AMZ1: variants seen among roughly 807,000 people sequenced by gnomAD.
AMZ1 encodes archaelysin family metallopeptidase 1, also known as archaemetzincin-1.
AMZ1 carries 39 observed loss-of-function variants against 29.9 expected under a neutral mutation model. That is an observed-to-expected ratio of 1.30 (90% CI 1.01 to 1.70). AMZ1 has a LOEUF of 1.70. Among genes scored for constraint, AMZ1 ranks in the 40% most tolerant of loss-of-function variants. The pLI is 0.00. For missense variants in AMZ1, 1,041 were observed against 680.6 expected, an observed-to-expected ratio of 1.53 and a Z score of -5.89; for synonymous variants, 458 against 304.0, an observed-to-expected ratio of 1.51 and a Z score of -5.27.
At chr7:2,711,755 G>A (rs1019430825) in intron 6 of AMZ1, among the ~76,000 whole-genome samples, 3 of 152,060 alleles carry the variant, frequency 2.0e-5, no homozygotes, top group South Asian at 2.1e-4. Context: ...TTAATTATAC[G>A]CTTTCTGGGT....
chr7:2,702,418 C>A (rs760222492), intron 2 of AMZ1: 4 of 375,028 alleles, frequency 1.1e-5, no homozygotes, highest in Non-Finnish European at 4.8e-6. Context: ...CAGTGCCTGG[C>A]GCTAACCCTA....
chr7:2,720,831 C>A (rs1238747308), downstream of AMZ1, among the ~76,000 whole-genome samples: 3 of 152,162 alleles, frequency 2.0e-5, no homozygotes, highest in Admixed American at 2.0e-4. Flanking sequence ...TGTATCTCTA[C>A]ACTGAGCTAA....
At chr7:2,681,176 G>A (rs1259840759) in intron 1 of AMZ1, among the ~76,000 whole-genome samples, 1 of 152,166 alleles carries the variant, frequency 6.6e-6, no homozygotes, top group African/African-American at 2.4e-5. Context: ...CCCCAAGTCA[G>A]CCTGGCTAGC....
At chr7:2,709,610 A>AGGCAAGGT (rs747777287) in intron 5 of AMZ1, 30 bp from the exon 6 acceptor site, 1 of 1,597,048 alleles carries the variant, frequency 6.3e-7, no homozygotes, top group South Asian at 1.1e-5. Flanking sequence ...CAAGGCAGTG[A>AGGCAAGGT]GGCAAGGTGC....
At chr7:2,758,212 A>AACT (rs1220548419) in intron 4 of AMZ1, among the ~76,000 whole-genome samples, 1 of 152,160 alleles carries the variant, frequency 6.6e-6, no homozygotes, top group African/African-American at 2.4e-5. Context: ...TAGAAATGAA[A>AACT]ACTCAGAGCT....
chr7:2,697,479 A>T (rs1474198185), intron 1 of AMZ1, among the ~76,000 whole-genome samples: 1 of 152,020 alleles, frequency 6.6e-6, no homozygotes, highest in Non-Finnish European at 1.5e-5. Context: ...GCTGGAGTGC[A>T]GTGGCACGAT....
At position 2,709,065 on chromosome 7, in the gene AMZ1, C is replaced by T. The variant is rs1410756547; in HGVS notation, c.602-10C>T. Reference sequence around the variant, plus strand: ...CCCCTGAGAGTGCCCTTCTCTCCATCTCTCTCCAGAAGTGGGCGTCTGCAG... The same window carrying T: ...CCCCTGAGAGTGCCCTTCTCTCCATTTCTCTCCAGAAGTGGGCGTCTGCAG... On this transcript the variant is annotated splice_polypyrimidine_tract_variant and intron_variant, in intron 4 of 6. Transcript: ENST00000683327. The T allele has an allele frequency of 1.9e-6, 3 of 1,560,712 alleles. No homozygotes were observed. The African/African-American group carries it at 4.5e-5, about 23-fold the overall frequency.
At chr7:2,763,191 AACACAC>A (rs56384682), upstream of AMZ1, 615 of 222,702 alleles carry the variant, frequency 2.8e-3, 4 homozygotes, top group African/African-American at 0.011. Flanking sequence ...AAGACACCCC[AACACAC>A]ACACACACAC....
chr7:2,725,888 GT>G (rs1789596774), intron 4 of AMZ1, among the ~76,000 whole-genome samples: 1 of 152,122 alleles, frequency 6.6e-6, no homozygotes, highest in Admixed American at 6.5e-5. Flanking sequence ...CCCTCCCCTG[GT>G]GCCTCTGTAT....
intron 1 of AMZ1, among the ~76,000 whole-genome samples, chr7:2,692,998 T>C (rs920614549): frequency 1.3e-5 from 2 of 152,172 alleles, no homozygotes; most frequent in African/African-American, 2.4e-5. Flanking sequence ...GCCTCCTTGC[T>C]CAGAGATCCC....
intron 1 of AMZ1, among the ~76,000 whole-genome samples, chr7:2,694,438 G>A (rs1282975802): frequency 6.6e-6 from 1 of 152,106 alleles, no homozygotes; most frequent in African/African-American, 2.4e-5. Flanking sequence ...TCTGAGGCCT[G>A]TGAGCCAATT....
intron 4 of AMZ1, among the ~76,000 whole-genome samples, chr7:2,737,065 A>G (rs1364302507): frequency 6.6e-6 from 1 of 152,092 alleles, no homozygotes; most frequent in Admixed American, 6.5e-5. Flanking sequence ...GGTGTGCATT[A>G]AAGACAGCCC....
downstream of AMZ1, among the ~76,000 whole-genome samples, chr7:2,720,786 C>A (rs901645289): frequency 6.6e-6 from 1 of 152,176 alleles, no homozygotes. Context: ...AGCGACTCTC[C>A]TGCCTCAGCC....
chr7:2,725,304 A>G (rs571592287), intron 4 of AMZ1, among the ~76,000 whole-genome samples: 37 of 152,316 alleles, frequency 2.4e-4, no homozygotes, highest in African/African-American at 8.7e-4. Context: ...AGCATCTCCT[A>G]GAAGGGGCTG....
At chr7:2,729,628 AG>A (rs1183187352) in intron 4 of AMZ1, 101 of 152,500 alleles carry the variant, frequency 6.6e-4, no homozygotes, top group African/African-American at 2.3e-3. Flanking sequence ...GCGGAAAACA[AG>A]CCAAGGGTGA....
At chr7:2,687,010 G>A (rs1321449466), upstream of AMZ1, among the ~76,000 whole-genome samples, 3 of 151,158 alleles carry the variant, frequency 2.0e-5, no homozygotes, top group South Asian at 2.1e-4. Context: ...ACCACGCCCA[G>A]CCGTGTTATT....
At chr7:2,730,948 C>T (rs993603509) in intron 4 of AMZ1, 40 of 518,896 alleles carry the variant, frequency 7.7e-5, no homozygotes, top group Middle Eastern at 1.0e-3. Flanking sequence ...CATCATCACT[C>T]GGATTTTCAG....
upstream of AMZ1, among the ~76,000 whole-genome samples, chr7:2,683,667 T>A (rs181476443): frequency 4.7e-3 from 708 of 152,168 alleles, 6 homozygotes; most frequent in African/African-American, 0.017. Context: ...CTCGATCTCC[T>A]GACCTCGTGA....
In AMZ1 at chr7:2,712,692, C is replaced by T. The variant is rs762300306; in HGVS notation, c.1311C>T (p.Leu437=). Residue 437 remains leucine, a synonymous_variant, in exon 7 of 7, where the codon CTC becomes CTT. Coordinates refer to ENST00000683327, the MANE Select transcript of AMZ1 (RefSeq NM_001384743.1). ...LVQVDRAVDA[L]DRWEMFTGQL... ...AGGTGGACAGAGCCGTGGACGCCCT[C>T]GACCGCTGGGAGATGTTCACGGGCC... 47 of 1,612,178 alleles carry T rather than the reference C, an allele frequency of 2.9e-5. No homozygotes were observed. Among genetic ancestry groups the T allele is most frequent in the South Asian group, 2.5e-4 (23 of 90,902 alleles).
Sources: gnomAD v4.1 joint callset for allele counts (sites outside exome capture counted in the v4.1 genomes callset) on GRCh38, gnomAD v4.1.1 for gene constraint, MANE v1.5 for transcripts, NCBI Gene and HGNC (gene_info 2026-07-23, HGNC 2026-07-21) for gene names.